Variants in SMYD3 observed in about 807,000 individuals in gnomAD.
SMYD3 encodes the protein SET and MYND domain containing 3.
SMYD3 carries 36 observed loss-of-function variants against 57.7 expected under a neutral mutation model. The observed-to-expected ratio is 0.62, with a 90% CI of 0.48 to 0.82. SMYD3 has a LOEUF of 0.82. SMYD3 is among the 40% of genes least tolerant of loss of function. The pLI is 0.00. For missense variants in SMYD3, 515 were observed against 538.8 expected (o/e 0.96, Z 0.44); for synonymous variants, 211 against 195.0 (o/e 1.08, Z -0.68).
chr1:246,072,824 C>T (rs1033230616), intron 5 of SMYD3, among the ~76,000 whole-genome samples: 16 of 152,150 alleles, frequency 1.1e-4, no homozygotes, highest in South Asian at 4.1e-4. Flanking sequence ...CTGCCTTGGA[C>T]GTAAGAAACA....
rs530833611 is a variant in SMYD3, at chr1:245,999,470, T to C, written c.532-69533A>G. ...CTGAAAACCAGCAAGGTTAAGTATC[T>C]TGCCCAAGATCACAGAGCAAGACAT... On this transcript the variant is annotated intron_variant, in intron 5 of 11. Coordinates refer to ENST00000490107, the MANE Select transcript of SMYD3 (RefSeq NM_001167740.2). Among the ~76,000 whole-genome samples, 4 of 152,238 alleles carry C rather than the reference T, an allele frequency of 2.6e-5. No individual in the cohort carries two copies. In the South Asian group the frequency reaches 6.2e-4, roughly 24 times the overall value.
rs1382963338 is a variant in SMYD3, at chr1:246,202,739, G to A, written c.531+124462C>T. The stretch of plus-strand genomic sequence containing the variant: ...TCAATACATTATGATACCTGCTTAT[G>A]CATAAGCCTAAAGCCTCCATGGCTA... On this transcript the variant is annotated intron_variant, in intron 5 of 11. Transcript: ENST00000490107. The surrounding 1 kb of genome is among the most constrained non-coding windows in gnomAD (Gnocchi z 4.1). 6.6e-6 allele frequency among the ~76,000 whole-genome samples: 1 copy of A among 152,168 alleles called. No homozygotes were observed. Among genetic ancestry groups the A allele is most frequent in the Non-Finnish European group, 1.5e-5 (1 of 68,028 alleles).
chr1:245,846,738 G>A (rs1257982164), intron 10 of SMYD3, among the ~76,000 whole-genome samples: 1 of 152,192 alleles, frequency 6.6e-6, no homozygotes, highest in African/African-American at 2.4e-5. Flanking sequence ...AAAGTTGAAA[G>A]GTAGAGTCCT....
chr1:246,289,050 G>A (rs2064633388), intron 5 of SMYD3, among the ~76,000 whole-genome samples: 1 of 152,164 alleles, frequency 6.6e-6, no homozygotes, highest in South Asian at 2.1e-4. Flanking sequence ...AGGAGGCGGA[G>A]GTTGCAGTGA....
intron 10 of SMYD3, among the ~76,000 whole-genome samples, chr1:245,854,337 T>C (rs1404838001): frequency 2.0e-5 from 3 of 152,210 alleles, no homozygotes; most frequent in African/African-American, 7.2e-5. Context: ...TAACTTTTGA[T>C]GTACCAAGTT....
rs1195197211 is a variant in SMYD3, at chr1:246,320,762, AT to A, written c.531+6438del. 1.1e-4 allele frequency among the ~76,000 whole-genome samples: 17 copies of A among 152,364 alleles called. 1 individual carries two copies. Among genetic ancestry groups the A allele is most frequent in the African/African-American group, 4.1e-4 (17 of 41,594 alleles). On this transcript the variant is annotated intron_variant, in intron 5 of 11. Transcript: ENST00000490107. ...GAAATCTTTTATGTGCATAAAAAAAATCTCAAAACAAATTCTACTGAAATTA... is the reference window on the plus strand; with the variant it reads ...GAAATCTTTTATGTGCATAAAAAAAACTCAAAACAAATTCTACTGAAATTA...
At chr1:245,908,523 G>A (rs1201398698) in intron 8 of SMYD3, among the ~76,000 whole-genome samples, 2 of 152,160 alleles carry the variant, frequency 1.3e-5, no homozygotes, top group African/African-American at 4.8e-5. Flanking sequence ...AACACCTGTA[G>A]AATATACTTT....
In SMYD3 at chr1:246,492,918, A is replaced by G. The variant is rs567801767; in HGVS notation, c.164+14136T>C. On this transcript the variant is annotated intron_variant, in intron 1 of 11. Transcript: ENST00000490107. ...AAGGCAGGTACATGGTAAAGCCTCA[A>G]TTCAAGGGTTTAATCCTTATGTTTT... Among the ~76,000 whole-genome samples the G allele has an allele frequency of 7.9e-5, 12 of 152,294 alleles. No homozygotes were observed. The South Asian group carries it at 2.3e-3, about 29-fold the overall frequency.
Position 245,999,665 on chromosome 1 carries a change from A to C in SMYD3, c.532-69728T>G, listed in dbSNP as rs2059001203. On this transcript the variant is annotated intron_variant, in intron 5 of 11. Coordinates refer to ENST00000490107, the MANE Select transcript of SMYD3 (RefSeq NM_001167740.2). ...GTATAAACAATTATATACTACCTAA[A>C]GCAAGAGAGAGAGAAAGAGAGATAA... Among the ~76,000 whole-genome samples the C allele has an allele frequency of 3.3e-5, 5 of 152,364 alleles. No homozygotes were observed. In the South Asian group the frequency reaches 1.0e-3, roughly 32 times the overall value.
intron 5 of SMYD3, among the ~76,000 whole-genome samples, chr1:246,260,588 C>T (rs1033935935): frequency 6.6e-6 from 1 of 151,912 alleles, no homozygotes; most frequent in Non-Finnish European, 1.5e-5. Context: ...GTAGCTGGGC[C>T]TACAGAGCTA....
At chr1:246,006,417 G>A (rs999206827) in intron 5 of SMYD3, among the ~76,000 whole-genome samples, 12 of 152,020 alleles carry the variant, frequency 7.9e-5, no homozygotes, top group Admixed American at 5.9e-4. Context: ...CTACCAAAGG[G>A]GAACTGGGAC....
intron 5 of SMYD3, among the ~76,000 whole-genome samples, chr1:246,125,984 G>C (rs529861423): frequency 9.3e-4 from 142 of 152,308 alleles, no homozygotes; most frequent in African/African-American, 3.1e-3. Context: ...GGAAGGAAGA[G>C]ACTAGAGGGT....
chr1:246,283,150 G>T (rs1381016104), intron 5 of SMYD3, among the ~76,000 whole-genome samples: 1 of 152,172 alleles, frequency 6.6e-6, no homozygotes. Flanking sequence ...AAATAAAACA[G>T]TGGTCAAGCT....
At chr1:246,280,891 T>C (rs1196297329) in intron 5 of SMYD3, among the ~76,000 whole-genome samples, 1 of 152,236 alleles carries the variant, frequency 6.6e-6, no homozygotes, top group South Asian at 2.1e-4. Flanking sequence ...CAAAGATGGC[T>C]AGTTGTACCA....
chr1:246,103,644 C>G (rs1262961977), intron 5 of SMYD3, among the ~76,000 whole-genome samples: 1 of 152,176 alleles, frequency 6.6e-6, no homozygotes, highest in Non-Finnish European at 1.5e-5. Flanking sequence ...TCTAGTCTCT[C>G]CCTTTCATAA....
chr1:246,079,540 C>T (rs187951207), intron 5 of SMYD3, among the ~76,000 whole-genome samples: 218 of 152,250 alleles, frequency 1.4e-3, no homozygotes, highest in African/African-American at 5.0e-3. Flanking sequence ...AAGTAAAACT[C>T]GTGTAAGTTT....
At chr1:245,878,469 T>C (rs1045061215) in intron 8 of SMYD3, among the ~76,000 whole-genome samples, 2 of 152,134 alleles carry the variant, frequency 1.3e-5, no homozygotes, top group African/African-American at 4.8e-5. Context: ...CCATTTCCTC[T>C]AACAGGAAGA....
At chr1:246,088,972 A>T (rs768774642) in intron 5 of SMYD3, among the ~76,000 whole-genome samples, 2 of 152,004 alleles carry the variant, frequency 1.3e-5, no homozygotes, top group Non-Finnish European at 2.9e-5. Context: ...ACTTGACCTT[A>T]TATTTATTTG....
At chr1:245,957,919 T>TA (rs763120217) in intron 5 of SMYD3, among the ~76,000 whole-genome samples, 8 of 151,906 alleles carry the variant, frequency 5.3e-5, no homozygotes, top group Non-Finnish European at 2.9e-5. Flanking sequence ...TGGTTAGGTT[T>TA]AAAAAATGAC....
Sources: allele counts gnomAD v4.1 joint callset (sites outside exome capture counted in the v4.1 genomes callset), GRCh38; gene constraint gnomAD v4.1.1; non-coding constraint Gnocchi (gnomAD v3.1); transcripts MANE v1.5; gene names NCBI Gene and HGNC (gene_info 2026-07-23, HGNC 2026-07-21).